Variants in BRD9 observed in about 807,000 individuals in gnomAD.
BRD9 encodes bromodomain-containing protein 9.
In BRD9, 47 loss-of-function variants were observed where a neutral mutation model predicts 68.7. The observed-to-expected ratio is 0.68, with a 90% CI of 0.54 to 0.87. The LOEUF (loss-of-function observed/expected upper bound fraction) is 0.87, where lower values mean the gene tolerates loss of function less well. Ranked by LOEUF, BRD9 falls within the 40% of genes least tolerant of loss-of-function variation. The pLI is 0.00. For synonymous variants in BRD9, 313 were observed against 293.9 expected (o/e 1.06, Z -0.67); for missense variants, 670 against 748.4 (o/e 0.90, Z 1.22).
intron 3 of BRD9, 175 bp from the exon 4 acceptor site, chr5:889,822 G>T: frequency 7.2e-7 from 1 of 1,382,814 alleles, no homozygotes; most frequent in Non-Finnish European, 9.7e-7. Flanking sequence ...GCTCAGCCGG[G>T]TAGAAAGGGC....
intron 11 of BRD9, among the ~76,000 whole-genome samples, chr5:877,283 T>C (rs1162663217): frequency 6.6e-6 from 1 of 152,068 alleles, no homozygotes; most frequent in East Asian, 1.9e-4. Flanking sequence ...AGGGGTGAGG[T>C]GAGGGCTGGC....
intron 7 of BRD9, among the ~76,000 whole-genome samples, chr5:885,321 A>G (rs1752391095): frequency 1.3e-5 from 2 of 152,312 alleles, no homozygotes; most frequent in Admixed American, 1.3e-4. Flanking sequence ...CCTGTCTCCT[A>G]AGCCAAGGCT....
rs1168401540 is a variant in BRD9, at chr5:891,148, C to T, written c.400+7G>A. ...CACCAGGAGAGTCTCTAAAAGTGCA[C>T]CCTTGCCTGGCTGTGTCCGGCACGC... On this transcript the variant is annotated splice_region_variant and intron_variant, in intron 3 of 15. Transcript: ENST00000467963. 1.3e-6 allele frequency: 2 copies of T among 1,548,162 alleles called. No individual in the cohort carries two copies. Among genetic ancestry groups the T allele is most frequent in the Admixed American group, 2.0e-5 (1 of 50,796 alleles).
rs556140047 is a variant in BRD9 at position 891,356 on chromosome 5, C to T, written c.268-69G>A. ...GGATCCGGACAGGTCTGCCCAATCC[C>T]CTCGCAGTTCTCAGGGGAGGGACAG... is the stretch of plus-strand genomic sequence containing the variant. On this transcript the variant is annotated intron_variant, in intron 2 of 15. Transcript: ENST00000467963. The T allele has an allele frequency of 1.2e-5, 18 of 1,512,282 alleles. No individual in the cohort carries two copies. In the South Asian group the frequency reaches 1.4e-4, roughly 12 times the overall value. 93.7% of individuals were successfully genotyped at this position (1,512,282 alleles called of 1,614,324 possible). A position where few individuals can be genotyped will look rare whatever the true frequency, so the allele number is the denominator to read the frequency against.
At chr5:890,945 G>A (rs994129924) in intron 3 of BRD9, among the ~76,000 whole-genome samples, 5 of 151,996 alleles carry the variant, frequency 3.3e-5, no homozygotes, top group African/African-American at 1.2e-4. Context: ...AAAACTGAAG[G>A]GCACCAGTGG....
chr5:891,088 G>C, intron 3 of BRD9, 67 bp downstream of exon 3: 1 of 1,480,866 alleles, frequency 6.8e-7, no homozygotes, highest in Non-Finnish European at 9.0e-7. Context: ...ACAGGACACG[G>C]TGCCGACCCC....
intron 14 of BRD9, among the ~76,000 whole-genome samples, chr5:869,793 C>A (rs530509683): frequency 6.6e-6 from 1 of 152,212 alleles, no homozygotes; most frequent in Non-Finnish European, 1.5e-5. Flanking sequence ...CAAGTTGTCC[C>A]GCCTTTCCAA....
In BRD9 at chr5:863,978, G is replaced by C. The variant is rs1579879101; in HGVS notation, c.*490C>G. 1 of 155,208 alleles carries C rather than the reference G, an allele frequency of 6.4e-6. No individual in the cohort carries two copies. The highest frequency in any genetic ancestry group is 1.9e-4 in the East Asian group (1 of 5,248). 9.6% of individuals were successfully genotyped at this position (155,208 alleles called of 1,614,324 possible). ...AATGAGGCCAGACACACCCATGCCT[G>C]TGCCTCCCAAGAGCGACCCCAGGAC... is the stretch of plus-strand genomic sequence containing the variant. On this transcript the variant is annotated 3_prime_UTR_variant, in exon 16 of 16. Transcript: ENST00000467963.
intron 1 of BRD9, 25 bp downstream of exon 1, chr5:892,581 G>A (rs1753628695): frequency 6.5e-7 from 1 of 1,533,866 alleles, no homozygotes; most frequent in Non-Finnish European, 8.8e-7. Context: ...CGCCCGCCGC[G>A]CGTCACAAAG....
intron 2 of BRD9, 66 bp from the exon 3 acceptor site, chr5:891,353 T>C: frequency 3.3e-6 from 5 of 1,516,640 alleles, no homozygotes; most frequent in Non-Finnish European, 4.4e-6. Context: ...GTCTGCCCAA[T>C]CCCCTCGCAG....
At chr5:881,358 C>T (rs903625762) in intron 8 of BRD9, 176 bp from the exon 9 acceptor site, 78 of 643,352 alleles carry the variant, frequency 1.2e-4, no homozygotes, top group East Asian at 6.5e-4. Context: ...AACAGCAGAG[C>T]GCGCACAGGT....
At chr5:880,699 T>A (rs1751607248) in intron 9 of BRD9, among the ~76,000 whole-genome samples, 1 of 152,260 alleles carries the variant, frequency 6.6e-6, no homozygotes, top group East Asian at 1.9e-4. Flanking sequence ...AACACTGTCC[T>A]GACGTCATCA....
Position 889,639 on chromosome 5 carries a change from C to T in BRD9, c.409G>A (p.Glu137Lys). The T allele has an allele frequency of 1.9e-6, 3 of 1,613,364 alleles. No homozygotes were observed. The highest frequency in any genetic ancestry group is 1.7e-5 in the Admixed American group (1 of 60,000). ...RACRTQPAENESTPIQQLLEH... is the reference protein window; with the variant it reads ...RACRTQPAENKSTPIQQLLEH... ...AGGAGTTGCTGAATAGGTGTGCTCT[C>T]ATTTTCGGCTGACAATTTAAGGAAA... Residue 137 changes from glutamate (E) to lysine (K), a missense_variant, in exon 4 of 16, where the codon GAG (glutamate) becomes AAG (lysine). Around this residue, in one of 5 missense-constraint regions of BRD9, gnomAD observed 94 missense variants for 157.2 expected, o/e 0.60. Transcript: ENST00000467963.
At chr5:877,434 C>T (rs1413027238) in intron 11 of BRD9, among the ~76,000 whole-genome samples, 2 of 152,202 alleles carry the variant, frequency 1.3e-5, no homozygotes, top group Non-Finnish European at 1.5e-5. Context: ...TTTTATGAAG[C>T]ACTAAGGGGA....
Position 889,117 on chromosome 5 carries a change from A to G in BRD9, c.510T>C (p.Ala170=), listed in dbSNP as rs1752979155. The G allele has an allele frequency of 6.2e-7, 1 of 1,611,410 alleles. No individual in the cohort carries two copies. Among genetic ancestry groups the G allele is most frequent in the Non-Finnish European group, 8.5e-7 (1 of 1,179,436 alleles). Residue 170 remains alanine, a synonymous_variant, in exon 5 of 16, where the codon GCT becomes GCC. Transcript: ENST00000467963. ...FFAFPVTDAI[A]PGYSMIIKHP... is the part of the protein sequence containing the mutation. ...GTTTTATTATCATTGAATATCCAGG[A>G]GCAATTGCATCCGTGACAGGAAAAG...
chr5:867,037 G>A (rs577600323), intron 14 of BRD9, among the ~76,000 whole-genome samples: 1 of 152,324 alleles, frequency 6.6e-6, no homozygotes, highest in African/African-American at 2.4e-5. Flanking sequence ...GGGGGTCTAG[G>A]AGGGAAAAGG....
intron 8 of BRD9, 135 bp from the exon 9 acceptor site, chr5:881,317 C>A (rs915022163): frequency 2.5e-6 from 2 of 813,864 alleles, no homozygotes; most frequent in African/African-American, 3.4e-5. Flanking sequence ...GGGCCCCTCA[C>A]GGCATTCCCT....
At position 870,508 on chromosome 5, in the gene BRD9, T is replaced by C. The variant is rs1279837333; in HGVS notation, c.1490A>G (p.Asp497Gly). The part of the protein sequence containing the change: ...LEFMSMKSYP[D>G]VSVDISMLSS... ...GAGCATGGAGATATCCACAGAAACG[T>C]CGGGATAGGACTTCATCGACATGAA... The change falls in exon 14 of 16, where the codon GAC (aspartate) becomes GGC (glycine). Residue 497 changes from aspartate to glycine, a missense_variant. By Grantham distance (94) the Asp-to-Gly change is moderately conservative (BLOSUM62 -1). Coordinates refer to ENST00000467963, the MANE Select transcript of BRD9 (RefSeq NM_023924.5). 1 of 1,614,044 alleles carries C rather than the reference T, an allele frequency of 6.2e-7. No homozygotes were observed. Among genetic ancestry groups the C allele is most frequent in the East Asian group, 2.2e-5 (1 of 44,876 alleles).
intron 4 of BRD9, among the ~76,000 whole-genome samples, 181 bp from the exon 5 acceptor site, chr5:889,346 T>A (rs1753013054): frequency 6.6e-6 from 1 of 152,154 alleles, no homozygotes; most frequent in Non-Finnish European, 1.5e-5. Context: ...CCCCAACGCA[T>A]CCTGGCGGCC....
Sources: allele counts gnomAD v4.1 joint callset (sites outside exome capture counted in the v4.1 genomes callset), GRCh38; gene constraint gnomAD v4.1.1; regional missense constraint gnomAD v4.1.1; transcripts MANE v1.5; gene names NCBI Gene and HGNC (gene_info 2026-07-23, HGNC 2026-07-21).